Variants in SYN3 observed in about 807,000 individuals in gnomAD.
The protein encoded by SYN3 is synapsin-3.
A neutral mutation model predicts 65.8 loss-of-function variants in SYN3; 35 were observed. That is an observed-to-expected ratio of 0.53 (90% CI 0.41 to 0.70). The LOEUF (loss-of-function observed/expected upper bound fraction) is 0.70. Among genes scored for constraint, SYN3 ranks in the 30% least tolerant of loss-of-function variants. SYN3 has a pLI of 0.00. For synonymous variants in SYN3, 270 were observed against 292.9 expected, an observed-to-expected ratio of 0.92 and a Z score of 0.80; for missense variants, 680 against 749.0, an observed-to-expected ratio of 0.91 and a Z score of 1.08.
intron 6 of SYN3, among the ~76,000 whole-genome samples, chr22:32,664,306 T>C (rs1028773921): frequency 2.0e-5 from 3 of 152,218 alleles, no homozygotes; most frequent in Non-Finnish European, 4.4e-5. Flanking sequence ...GCTGATGATG[T>C]GCAATTGATA....
Position 32,557,408 on chromosome 22 carries a change from A to G in SYN3, c.775-15695T>C, listed in dbSNP as rs145358639. 2.1e-3 allele frequency among the ~76,000 whole-genome samples: 315 copies of G among 152,318 alleles called. 1 individual carries two copies. Among genetic ancestry groups the G allele is most frequent in the Non-Finnish European group, 3.7e-3 (249 of 68,016 alleles). On this transcript the variant is annotated intron_variant, in intron 7 of 13. Transcript: ENST00000358763. ...AGATTAACCTGCAAAATAACAATTC[A>G]CAGTGGGTGTTGGCATGGGGCTTCA...
rs2045961061 is a variant in SYN3, at chr22:32,778,526, T to C, written c.711+86389A>G. On this transcript the variant is annotated intron_variant, in intron 6 of 13. Coordinates refer to ENST00000358763, the MANE Select transcript of SYN3 (RefSeq NM_003490.4). ...CCAGGCTGGTCTCGAACTCCTGACC[T>C]TGTGATCCACACACCTTGGCCTCCC... Among the ~76,000 whole-genome samples, 4 of 151,964 alleles carry C rather than the reference T, an allele frequency of 2.6e-5. No individual in the cohort carries two copies. The South Asian group carries it at 8.3e-4, about 32-fold the overall frequency.
At chr22:32,546,542 G>A (rs1182360822) in intron 7 of SYN3, among the ~76,000 whole-genome samples, 10 of 152,090 alleles carry the variant, frequency 6.6e-5, no homozygotes, top group East Asian at 5.8e-4. Context: ...CTGGAGCCTC[G>A]GTGGGTGGGT....
chr22:33,002,439 C>A (rs908856084), intron 2 of SYN3, among the ~76,000 whole-genome samples: 1 of 152,010 alleles, frequency 6.6e-6, no homozygotes, highest in East Asian at 1.9e-4. Context: ...GTCAGGAGAT[C>A]GAGACCCTCC....
At chr22:32,655,604 A>G (rs982486885) in intron 6 of SYN3, among the ~76,000 whole-genome samples, 1 of 152,076 alleles carries the variant, frequency 6.6e-6, no homozygotes, top group Non-Finnish European at 1.5e-5. Flanking sequence ...CGTGGACCCT[A>G]TTGTGAACCA....
At chr22:32,912,616 G>C (rs951671136) in intron 4 of SYN3, among the ~76,000 whole-genome samples, 2 of 152,094 alleles carry the variant, frequency 1.3e-5, no homozygotes, top group African/African-American at 4.8e-5. Flanking sequence ...AGCTACTCGG[G>C]AGGCTGAGGC....
intron 4 of SYN3, 73 bp from the exon 5 acceptor site, chr22:32,869,198 T>A: frequency 6.5e-7 from 1 of 1,544,820 alleles, no homozygotes. Flanking sequence ...CACAGCTTGC[T>A]GGGGATGATA....
At chr22:32,990,375 TGCATCCATCCAC>T in intron 2 of SYN3, among the ~76,000 whole-genome samples, 1 of 137,418 alleles carries the variant, frequency 7.3e-6, no homozygotes, top group Non-Finnish European at 1.6e-5. Context: ...CATCCATCCA[TGCATCCATCCAC>T]CCATCCATCC....
chr22:32,836,742 C>T (rs968689722), intron 6 of SYN3, among the ~76,000 whole-genome samples: 4 of 152,096 alleles, frequency 2.6e-5, no homozygotes, highest in African/African-American at 9.7e-5. Context: ...AAACTATGGC[C>T]CTGGGTGTCC....
intron 6 of SYN3, among the ~76,000 whole-genome samples, chr22:32,631,162 G>T (rs1442709449): frequency 3.3e-5 from 5 of 152,142 alleles, no homozygotes; most frequent in Non-Finnish European, 7.4e-5. Context: ...GGGCGTGGTG[G>T]CATGCGCCTG....
intron 6 of SYN3, among the ~76,000 whole-genome samples, chr22:32,748,460 C>G (rs9619304): frequency 0.57 from 86,088 of 151,990 alleles, 24,587 homozygotes; most frequent in African/African-American, 0.62. Flanking sequence ...GAAAGGGTGT[C>G]GGGGGCAAGG....
At chr22:32,516,805 A>C (rs1016487796) in intron 13 of SYN3, among the ~76,000 whole-genome samples, 2 of 58,050 alleles carry the variant, frequency 3.4e-5, no homozygotes, top group African/African-American at 4.6e-5. Context: ...CAAGTTATTT[A>C]ATCTTTTCTT....
At chr22:32,708,440 G>A (rs894010418) in intron 6 of SYN3, among the ~76,000 whole-genome samples, 18 of 152,310 alleles carry the variant, frequency 1.2e-4, no homozygotes, top group African/African-American at 3.4e-4. Flanking sequence ...TGCAGGAGGT[G>A]TACTTCTCTG....
chr22:32,651,757 T>C (rs890228303), intron 6 of SYN3, among the ~76,000 whole-genome samples: 1 of 152,184 alleles, frequency 6.6e-6, no homozygotes, highest in Admixed American at 6.5e-5. Flanking sequence ...CATCTCTGGG[T>C]TGATCCCTCA....
At chr22:32,814,425 A>G (rs1485896355) in intron 6 of SYN3, among the ~76,000 whole-genome samples, 1 of 152,104 alleles carries the variant, frequency 6.6e-6, no homozygotes, top group Non-Finnish European at 1.5e-5. Flanking sequence ...GGCCATTCCT[A>G]ACTGCTAAGC....
At chr22:32,744,892 G>C (rs929464523) in intron 6 of SYN3, among the ~76,000 whole-genome samples, 3 of 152,248 alleles carry the variant, frequency 2.0e-5, no homozygotes, top group African/African-American at 7.2e-5. Flanking sequence ...AGAGAGGAGA[G>C]TGGGAGAGCC....
intron 7 of SYN3, among the ~76,000 whole-genome samples, chr22:32,569,409 ATCT>A (rs2058719814): frequency 4.3e-5 from 5 of 116,868 alleles, no homozygotes; most frequent in African/African-American, 2.0e-4. Context: ...AAATCTATCT[ATCT>A]ATCTATCTAT....
At chr22:32,617,056 G>A (rs1374203964) in intron 6 of SYN3, among the ~76,000 whole-genome samples, 2 of 152,170 alleles carry the variant, frequency 1.3e-5, no homozygotes, top group East Asian at 3.9e-4. Context: ...TTTAAGAAGG[G>A]CCTCAAATAG....
intron 6 of SYN3, among the ~76,000 whole-genome samples, chr22:32,784,222 G>C (rs965871012): frequency 3.9e-5 from 6 of 152,154 alleles, no homozygotes; most frequent in African/African-American, 1.4e-4. Context: ...CTTGAGTGAT[G>C]GTGGGGCTTG....
Sources: gnomAD v4.1 joint callset for allele counts (sites outside exome capture counted in the v4.1 genomes callset) on GRCh38, gnomAD v4.1.1 for gene constraint, MANE v1.5 for transcripts, NCBI Gene and HGNC (gene_info 2026-07-23, HGNC 2026-07-21) for gene names.